The following CWC22 variants were observed in gnomAD, a reference collection of about 807,000 sequenced individuals.
The protein encoded by CWC22 is pre-mRNA-splicing factor CWC22 homolog.
A neutral mutation model predicts 117.2 loss-of-function variants in CWC22; 53 were observed. That is an observed-to-expected ratio of 0.45 (90% CI 0.36 to 0.57). The LOEUF is 0.57. Among genes scored for constraint, CWC22 ranks in the 20% least tolerant of loss-of-function variants. The probability of loss-of-function intolerance (pLI) is 0.00; values close to 1 mark genes in which losing one functional copy is unlikely to be tolerated. For synonymous variants in CWC22, 360 were observed against 355.6 expected, an observed-to-expected ratio of 1.01 and a Z score of -0.14; for missense variants, 980 against 1,068.8, an observed-to-expected ratio of 0.92 and a Z score of 1.16.
At chr2:179,964,416 G>T (rs138501070) in intron 13 of CWC22, 131 bp downstream of exon 13, 23 of 531,294 alleles carry the variant, frequency 4.3e-5, no homozygotes, top group African/African-American at 2.3e-4. Flanking sequence ...GGCATGGGAT[G>T]GGGGAGAGAG....
chr2:179,947,949 T>C (rs964115455), intron 19 of CWC22, among the ~76,000 whole-genome samples: 1 of 152,158 alleles, frequency 6.6e-6, no homozygotes, highest in South Asian at 2.1e-4. Context: ...ACCAAGATAC[T>C]GTAATGAAAG....
intron 1 of CWC22, among the ~76,000 whole-genome samples, chr2:180,004,520 T>G (rs1687923042): frequency 6.6e-6 from 1 of 152,030 alleles, no homozygotes; most frequent in African/African-American, 2.4e-5. Flanking sequence ...GCCACCCGAG[T>G]AGCTGGGGCT....
Position 179,952,588 on chromosome 2 carries a change from C to T in CWC22, c.1700G>A (p.Cys567Tyr), listed in dbSNP as rs752193101. 17 of 1,446,248 alleles carry T rather than the reference C, an allele frequency of 1.2e-5. No homozygotes were observed. Among genetic ancestry groups the T allele is most frequent in the East Asian group, 5.1e-5 (2 of 39,120 alleles). 89.6% of individuals were successfully genotyped at this position (1,446,248 alleles called of 1,614,324 possible). Residue 567 changes from cysteine (C) to tyrosine (Y), a missense_variant, in exon 17 of 20, where the codon TGT becomes TAT. This residue lies in a region of CWC22 where 115 missense variants were observed against 169.8 expected (regional missense o/e 0.68). Coordinates refer to ENST00000410053, the MANE Select transcript of CWC22 (RefSeq NM_020943.3). ...AGTGGTTTCTTCACTCAGTTTTATA[C>T]ATTCAAGAACCTGAAAATTAAAATA... ...TDSLPWSVLE[C>Y]IKLSEETTTS...
intron 1 of CWC22, among the ~76,000 whole-genome samples, chr2:179,999,606 G>C (rs1687795772): frequency 6.6e-6 from 1 of 152,138 alleles, no homozygotes; most frequent in South Asian, 2.1e-4. Flanking sequence ...CTGCTTTCCA[G>C]ATGATTTCCG....
chr2:180,000,806 A>C (rs1352622627), intron 1 of CWC22, among the ~76,000 whole-genome samples: 3 of 152,130 alleles, frequency 2.0e-5, no homozygotes, highest in African/African-American at 7.2e-5. Flanking sequence ...TAAGACAGTA[A>C]GACACAGAGG....
chr2:179,945,659 A>G lies in CWC22; in HGVS notation c.2197T>C (p.Leu733=), dbSNP rs762094052. ...TCATTTGTTTGCTGGTTTCTGATCA[A>G]TTTATCTACCTCTTTACTTCTGGTC... is the stretch of plus-strand genomic sequence containing the variant. The part of the protein sequence containing the change: ...GKTRSKEVDK[L]IRNQQTNDRK... The change falls in exon 20 of 20, where the codon TTG becomes CTG. Residue 733 remains leucine, a synonymous_variant. Transcript: ENST00000410053. The G allele has an allele frequency of 1.2e-6, 2 of 1,610,686 alleles. No homozygotes were observed. Among genetic ancestry groups the G allele is most frequent in the Non-Finnish European group, 1.7e-6 (2 of 1,179,386 alleles).
In CWC22 at chr2:179,981,837, C is replaced by G; in HGVS notation, c.367G>C (p.Asp123His). The G allele has an allele frequency of 1.9e-6, 3 of 1,613,768 alleles. No individual in the cohort carries two copies. In the East Asian group the frequency reaches 6.7e-5, roughly 36 times the overall value. Residue 123 changes from aspartate (D) to histidine (H), a missense_variant, in exon 5 of 20, where the codon GAT (aspartate) becomes CAT (histidine). Coordinates refer to ENST00000410053, the MANE Select transcript of CWC22 (RefSeq NM_020943.3). ...PATKKKKDEL[D>H]PLLTRTGGAY... ...CCACCAGTGCGAGTAAGAAGAGGAT[C>G]CAGCTCATCTTTCTTTTTCTTTGTA...
intron 16 of CWC22, among the ~76,000 whole-genome samples, chr2:179,953,140 C>T (rs1686495983): frequency 6.6e-6 from 1 of 151,800 alleles, no homozygotes. Flanking sequence ...TTTGGGGGGC[C>T]CATTAGTTGG....
rs1368856995 is a variant in CWC22, at chr2:179,965,886, T to C, written c.1307A>G (p.Asp436Gly). 1 of 1,523,310 alleles carries C rather than the reference T, an allele frequency of 6.6e-7. No homozygotes were observed. The highest frequency in any genetic ancestry group is 9.1e-7 in the Non-Finnish European group (1 of 1,097,944). 94.4% of individuals were successfully genotyped at this position (1,523,310 alleles called of 1,614,324 possible). A position where few individuals can be genotyped will look rare whatever the true frequency, so the allele number is the denominator to read the frequency against. Residue 436 changes from aspartate (D) to glycine (G), a missense_variant, in exon 12 of 20, where the codon GAT becomes GGT. By Grantham distance (94) the Asp-to-Gly change is moderately conservative. This residue lies in a region of CWC22 where 559 missense variants were observed against 602.3 expected (regional missense o/e 0.93). Transcript: ENST00000410053. ...ATATGCTACATGTTTACCTTCTTCA[T>C]CTTCTTCTCCCTCTTCCTCTTCTTC... Reference protein sequence around the residue: ...EEEEEEEGEEDEEGQKVTIHD... With the variant: ...EEEEEEEGEEGEEGQKVTIHD...
intron 1 of CWC22, among the ~76,000 whole-genome samples, chr2:180,003,708 ACT>A (rs1687900742): frequency 6.6e-6 from 1 of 152,026 alleles, no homozygotes; most frequent in South Asian, 2.1e-4. Flanking sequence ...GAAGTGCTGA[ACT>A]CTGTCTAGCT....
intron 8 of CWC22, 30 bp from the exon 9 acceptor site, chr2:179,971,106 A>G (rs961031279): frequency 3.2e-5 from 45 of 1,415,682 alleles, no homozygotes; most frequent in Admixed American, 5.6e-5. Context: ...CAAGGAAGAA[A>G]CAAAATGCTT....
At chr2:179,992,155 A>G (rs1413113657) in intron 2 of CWC22, among the ~76,000 whole-genome samples, 1 of 152,214 alleles carries the variant, frequency 6.6e-6, no homozygotes, top group Non-Finnish European at 1.5e-5. Context: ...TTTATAATCA[A>G]ATAAAAATAC....
chr2:179,984,846 C>G (rs564696135), intron 4 of CWC22, among the ~76,000 whole-genome samples: 2 of 152,130 alleles, frequency 1.3e-5, no homozygotes, highest in South Asian at 2.1e-4. Context: ...GAATCAACCA[C>G]GTTGTTCAAC....
chr2:179,974,230 T>G (rs1459729798), intron 6 of CWC22, among the ~76,000 whole-genome samples: 2 of 152,220 alleles, frequency 1.3e-5, no homozygotes, highest in African/African-American at 4.8e-5. Flanking sequence ...ATAAAATTAA[T>G]TTTGTGATTA....
intron 11 of CWC22, among the ~76,000 whole-genome samples, chr2:179,967,414 G>A (rs532514492): frequency 1.3e-5 from 2 of 152,236 alleles, no homozygotes; most frequent in South Asian, 4.1e-4. Context: ...GGAGTCCATC[G>A]GGGATCACTG....
chr2:179,956,840 C>T (rs1686604549), intron 14 of CWC22, among the ~76,000 whole-genome samples: 1 of 151,336 alleles, frequency 6.6e-6, no homozygotes, highest in South Asian at 2.1e-4. Flanking sequence ...AGGTTTTAAA[C>T]AACAAAACAT....
chr2:179,992,341 C>G (rs763900562), intron 2 of CWC22, among the ~76,000 whole-genome samples: 6 of 152,102 alleles, frequency 3.9e-5, no homozygotes, highest in Non-Finnish European at 7.4e-5. Context: ...ATCTCACCTC[C>G]TACAATTCTC....
chr2:179,976,250 C>T (rs945708570), intron 6 of CWC22, among the ~76,000 whole-genome samples: 8 of 152,102 alleles, frequency 5.3e-5, no homozygotes, highest in South Asian at 4.1e-4. Context: ...CAAACATCAA[C>T]GCAAAACAGA....
At chr2:180,004,481 TC>T (rs1687922069) in intron 1 of CWC22, among the ~76,000 whole-genome samples, 1 of 152,064 alleles carries the variant, frequency 6.6e-6, no homozygotes, top group Admixed American at 6.5e-5. Flanking sequence ...AACCTCCGCC[TC>T]CCAGGTTTAA....
Sources: allele counts gnomAD v4.1 joint callset (sites outside exome capture counted in the v4.1 genomes callset), GRCh38; gene constraint gnomAD v4.1.1; regional missense constraint gnomAD v4.1.1; transcripts MANE v1.5; gene names NCBI Gene and HGNC (gene_info 2026-07-23, HGNC 2026-07-21).